The following HDAC4 variants were observed in gnomAD, a reference collection of about 807,000 sequenced individuals.
HDAC4 encodes histone deacetylase A.
A neutral mutation model predicts 135.1 loss-of-function variants in HDAC4; 16 were observed. That is an observed-to-expected ratio of 0.12 (90% CI 0.08 to 0.18). HDAC4 has a LOEUF of 0.18. HDAC4 is among the 10% of genes least tolerant of loss of function. The probability of loss-of-function intolerance (pLI) is 1.00; values close to 1 mark genes in which losing one functional copy is unlikely to be tolerated. For synonymous variants in HDAC4, 685 were observed against 653.4 expected (o/e 1.05, Z -0.74); for missense variants, 1,143 against 1,511.8 (o/e 0.76, Z 4.05).
intron 5 of HDAC4, among the ~76,000 whole-genome samples, chr2:239,171,588 G>A (rs1321576718): frequency 6.6e-6 from 1 of 152,210 alleles, no homozygotes; most frequent in Non-Finnish European, 1.5e-5. Flanking sequence ...AGTATCTGTT[G>A]AGGTGAAGTT....
intron 12 of HDAC4, among the ~76,000 whole-genome samples, chr2:239,118,323 C>T (rs976414011): frequency 1.3e-5 from 2 of 152,220 alleles, no homozygotes; most frequent in Non-Finnish European, 2.9e-5. Flanking sequence ...TTCAGAAAAG[C>T]TTTCAACCTG....
chr2:239,277,688 A>G (rs1682493799), intron 2 of HDAC4, among the ~76,000 whole-genome samples: 2 of 152,170 alleles, frequency 1.3e-5, no homozygotes, highest in Non-Finnish European at 2.9e-5. Context: ...TGTAGCCACA[A>G]GGACCCTGGC....
intron 2 of HDAC4, among the ~76,000 whole-genome samples, chr2:239,238,936 A>G (rs2048034554): frequency 6.6e-6 from 1 of 152,164 alleles, no homozygotes; most frequent in Admixed American, 6.5e-5. Flanking sequence ...GAAGACATTT[A>G]TTGCATGCTT....
At chr2:239,164,013 G>A (rs2042979834) in intron 5 of HDAC4, 90 bp from the exon 6 acceptor site, 4 of 1,498,742 alleles carry the variant, frequency 2.7e-6, no homozygotes, top group Middle Eastern at 2.2e-4. Context: ...GGGAGGGAAG[G>A]GCTGGGGACG....
intron 16 of HDAC4, among the ~76,000 whole-genome samples, chr2:239,101,329 G>A (rs2037608811): frequency 6.6e-6 from 1 of 152,220 alleles, no homozygotes; most frequent in Non-Finnish European, 1.5e-5. Flanking sequence ...TACCTACAGG[G>A]CATCCAGTAC....
intron 19 of HDAC4, among the ~76,000 whole-genome samples, chr2:239,086,802 C>A (rs563740860): frequency 6.6e-6 from 1 of 152,342 alleles, no homozygotes; most frequent in East Asian, 1.9e-4. Context: ...GCCACCTCCT[C>A]CTCACCGAAG....
At chr2:239,230,845 A>C (rs1466496354) in intron 3 of HDAC4, among the ~76,000 whole-genome samples, 1 of 152,214 alleles carries the variant, frequency 6.6e-6, no homozygotes, top group Non-Finnish European at 1.5e-5. Flanking sequence ...GATTTGTACC[A>C]GATTCCACTT....
rs1476784603 is a variant in HDAC4, at chr2:239,141,421, T to C, written c.866-1625A>G. The stretch of plus-strand genomic sequence containing the variant: ...GGTCCCGACCCTACCCCATCCTCTT[T>C]CTTTCCCTGGCCCTCTCACCCTCTC... On this transcript the variant is annotated intron_variant, in intron 8 of 26. Coordinates refer to ENST00000543185, the MANE Select transcript of HDAC4 (RefSeq NM_001378414.1). This position sits in a 1 kb window ranked among gnomAD's most constrained non-coding sequence, Gnocchi z 4.9. 1.3e-5 allele frequency among the ~76,000 whole-genome samples: 2 copies of C among 152,120 alleles called. No homozygotes were observed. The highest frequency in any genetic ancestry group is 1.3e-4 in the Admixed American group (2 of 15,278).
intron 1 of HDAC4, among the ~76,000 whole-genome samples, chr2:239,393,220 G>A (rs1488584671): frequency 1.3e-5 from 2 of 152,192 alleles, no homozygotes; most frequent in Non-Finnish European, 2.9e-5. Context: ...GTGCCCCAAG[G>A]AGGGCCTAGC....
At chr2:239,160,713 G>C (rs1043931194) in intron 6 of HDAC4, among the ~76,000 whole-genome samples, 2 of 152,270 alleles carry the variant, frequency 1.3e-5, no homozygotes, top group Non-Finnish European at 2.9e-5. Flanking sequence ...AGGGGCCCCA[G>C]TTTGCGCGGC....
At position 239,084,137 on chromosome 2, in the gene HDAC4, C is replaced by T. The variant is rs186981980; in HGVS notation, c.2532+18G>A. ...AAGGAGCAACCTGAGCTGCGCTGGCCAAGGCGGCTCTGCTTACCCAGTCCA... is the reference window on the plus strand; with the variant it reads ...AAGGAGCAACCTGAGCTGCGCTGGCTAAGGCGGCTCTGCTTACCCAGTCCA... On this transcript the variant is annotated intron_variant, in intron 20 of 26. Coordinates refer to ENST00000543185, the MANE Select transcript of HDAC4 (RefSeq NM_001378414.1). 459 of 1,599,570 alleles carry T rather than the reference C, an allele frequency of 2.9e-4. 3 individuals carry two copies. In the African/African-American group the frequency reaches 5.6e-3, roughly 20 times the overall value.
chr2:239,391,919 G>A (rs1424861569), intron 1 of HDAC4, among the ~76,000 whole-genome samples: 3 of 48,726 alleles, frequency 6.2e-5, no homozygotes, highest in African/African-American at 1.7e-4. Flanking sequence ...CAGCCCGCGT[G>A]TGCTGAAGCT....
At position 239,134,876 on chromosome 2, in the gene HDAC4, A is replaced by T. The variant is rs550518196; in HGVS notation, c.979-233T>A. 2.0e-5 allele frequency among the ~76,000 whole-genome samples: 3 copies of T among 152,320 alleles called. No homozygotes were observed. The South Asian group carries it at 6.2e-4, about 32-fold the overall frequency. ...TCCCGATACGAGTTCTTCTTCTGTC[A>T]CCTTGTCCAGCATCATCTCGTTGAT... On this transcript the variant is annotated intron_variant, in intron 9 of 26. Transcript: ENST00000543185.
At chr2:239,100,274 T>A (rs2037493577) in intron 16 of HDAC4, among the ~76,000 whole-genome samples, 1 of 152,220 alleles carries the variant, frequency 6.6e-6, no homozygotes, top group Non-Finnish European at 1.5e-5. Context: ...TTGGCCTTCT[T>A]CTCCATCATC....
intron 1 of HDAC4, among the ~76,000 whole-genome samples, chr2:239,359,712 G>A (rs1693739115): frequency 6.6e-6 from 1 of 152,208 alleles, no homozygotes; most frequent in African/African-American, 2.4e-5. Context: ...CTCACTGAGA[G>A]CCAGGTCACC....
chr2:239,379,892 A>T (rs1695292116), intron 1 of HDAC4, among the ~76,000 whole-genome samples: 1 of 152,216 alleles, frequency 6.6e-6, no homozygotes, highest in South Asian at 2.1e-4. Context: ...GCAGACACTG[A>T]CAGTGGGATA....
At chr2:239,223,466 G>A (rs1276037524) in intron 3 of HDAC4, among the ~76,000 whole-genome samples, 1 of 152,192 alleles carries the variant, frequency 6.6e-6, no homozygotes, top group African/African-American at 2.4e-5. Flanking sequence ...CAGAAGGCAG[G>A]GGGCTGGTTC....
rs983075127 is a variant in HDAC4, at chr2:239,331,316, G to A, written c.22+21362C>T. On this transcript the variant is annotated intron_variant, in intron 2 of 26. Transcript: ENST00000543185. The surrounding 1 kb of genome is among the most constrained non-coding windows in gnomAD (Gnocchi z 4.5). ...AGGCAGGATGGGGGAGGGAAGACAA[G>A]CAGGAAGGGGTGGGGTGGCCCTGCC... Among the ~76,000 whole-genome samples, 2 of 152,060 alleles carry A rather than the reference G, an allele frequency of 1.3e-5. No individual in the cohort carries two copies. The highest frequency in any genetic ancestry group is 1.3e-4 in the Admixed American group (2 of 15,278).
intron 2 of HDAC4, among the ~76,000 whole-genome samples, chr2:239,256,593 C>T (rs572071651): frequency 8.5e-5 from 13 of 152,244 alleles, no homozygotes; most frequent in Non-Finnish European, 1.9e-4. Context: ...TTCCTCAGAT[C>T]GCTCCACTGA....
Sources: gnomAD v4.1 joint callset for allele counts (sites outside exome capture counted in the v4.1 genomes callset) on GRCh38, gnomAD v4.1.1 for gene constraint, Gnocchi (gnomAD v3.1) non-coding constraint, MANE v1.5 for transcripts, NCBI Gene and HGNC (gene_info 2026-07-23, HGNC 2026-07-21) for gene names.